SORCS1: variants seen among roughly 807,000 people sequenced by gnomAD.
The protein encoded by SORCS1 is sortilin related VPS10 domain containing receptor 1, also known as VPS10 domain-containing receptor SorCS1.
SORCS1 carries 60 observed loss-of-function variants against 146.1 expected under a neutral mutation model. The ratio of observed to expected loss-of-function variants is 0.41; its 90% CI spans 0.33 to 0.51. SORCS1 has a LOEUF of 0.51. Ranked by LOEUF, SORCS1 falls within the 20% of genes least tolerant of loss-of-function variation. The probability of loss-of-function intolerance (pLI) is 0.21; values close to 1 mark genes in which losing one functional copy is unlikely to be tolerated. For missense variants in SORCS1, 1,352 were observed against 1,487.6 expected (o/e 0.91, Z 1.50); for synonymous variants, 637 against 584.0 (o/e 1.09, Z -1.31).
intron 2 of SORCS1, among the ~76,000 whole-genome samples, chr10:106,894,798 T>C (rs890544592): frequency 5.9e-5 from 9 of 152,220 alleles, no homozygotes; most frequent in Non-Finnish European, 1.5e-5. Context: ...CCAAGGATCC[T>C]AAATTCTAGA....
chr10:106,742,483 GA>G (rs1857433176), intron 5 of SORCS1, among the ~76,000 whole-genome samples: 1 of 152,070 alleles, frequency 6.6e-6, no homozygotes, highest in Admixed American at 6.6e-5. Context: ...GGGTTCAAGT[GA>G]TTCTCATGCC....
chr10:106,625,094 G>A (rs1302420990), intron 19 of SORCS1, among the ~76,000 whole-genome samples: 1 of 152,200 alleles, frequency 6.6e-6, no homozygotes, highest in African/African-American at 2.4e-5. Flanking sequence ...GTGGTTGAGA[G>A]AAATGGGGAA....
intron 1 of SORCS1, among the ~76,000 whole-genome samples, chr10:106,961,106 G>A (rs1955202051): frequency 6.6e-6 from 1 of 152,160 alleles, no homozygotes; most frequent in Non-Finnish European, 1.5e-5. Flanking sequence ...ACAGATGCTG[G>A]TATATGGATG....
chr10:107,051,905 G>C (rs532479845), intron 1 of SORCS1, among the ~76,000 whole-genome samples: 2 of 152,160 alleles, frequency 1.3e-5, no homozygotes, highest in East Asian at 3.9e-4. Flanking sequence ...AAAATTGTTG[G>C]CACAGACTTT....
intron 1 of SORCS1, among the ~76,000 whole-genome samples, chr10:106,957,398 C>G (rs554628035): frequency 6.6e-6 from 1 of 151,958 alleles, no homozygotes; most frequent in Non-Finnish European, 1.5e-5. Context: ...TCTCGAACTC[C>G]TGACCTCAGG....
chr10:106,601,742 G>T (rs1293497935), intron 23 of SORCS1, among the ~76,000 whole-genome samples: 1 of 152,194 alleles, frequency 6.6e-6, no homozygotes, highest in Non-Finnish European at 1.5e-5. Flanking sequence ...ACACTGGCTG[G>T]TGGAGCGGCC....
intron 5 of SORCS1, among the ~76,000 whole-genome samples, chr10:106,734,147 T>A (rs1318343149): frequency 6.6e-6 from 1 of 152,166 alleles, no homozygotes; most frequent in African/African-American, 2.4e-5. Flanking sequence ...AAAAAGGCAA[T>A]AGGTAGATGT....
At chr10:106,821,994 C>A (rs1455572993) in intron 3 of SORCS1, among the ~76,000 whole-genome samples, 1 of 151,342 alleles carries the variant, frequency 6.6e-6, no homozygotes, top group Non-Finnish European at 1.5e-5. Context: ...GAGAACCAGG[C>A]AAATTAGCAG....
intron 3 of SORCS1, among the ~76,000 whole-genome samples, chr10:106,802,931 T>G (rs1056749597): frequency 1.3e-5 from 2 of 152,226 alleles, no homozygotes; most frequent in Non-Finnish European, 2.9e-5. Flanking sequence ...ATGCCCGGCC[T>G]GACTTTACAG....
intron 2 of SORCS1, among the ~76,000 whole-genome samples, chr10:106,928,393 G>C (rs1040182215): frequency 6.6e-6 from 1 of 152,202 alleles, no homozygotes; most frequent in Non-Finnish European, 1.5e-5. Flanking sequence ...CTCCGAGTGC[G>C]GGGCCGCCAA....
chr10:107,132,747 T>C (rs1479074593), intron 1 of SORCS1, among the ~76,000 whole-genome samples: 4 of 152,248 alleles, frequency 2.6e-5, no homozygotes, highest in Non-Finnish European at 5.9e-5. Context: ...TTATTGTCTG[T>C]TTGTTAAAGC....
At chr10:106,625,550 G>A (rs1848053531) in intron 19 of SORCS1, among the ~76,000 whole-genome samples, 1 of 152,058 alleles carries the variant, frequency 6.6e-6, no homozygotes, top group Admixed American at 6.6e-5. Context: ...TTGGGGGCAG[G>A]TGGCTCATTA....
At chr10:107,042,738 T>C (rs76730710) in intron 1 of SORCS1, among the ~76,000 whole-genome samples, 1 of 151,922 alleles carries the variant, frequency 6.6e-6, no homozygotes, top group African/African-American at 2.4e-5. Flanking sequence ...GCCTCCCAAG[T>C]AGCTAGGATT....
chr10:106,939,781 G>A (rs546264190), intron 2 of SORCS1, among the ~76,000 whole-genome samples: 5 of 152,300 alleles, frequency 3.3e-5, no homozygotes, highest in South Asian at 2.1e-4. Context: ...ACTGTATTTC[G>A]GAAACTTCAC....
Position 106,765,121 on chromosome 10 carries a change from G to T in SORCS1, c.886-3460C>A, listed in dbSNP as rs192159390. The stretch of plus-strand genomic sequence containing the variant: ...AAGAACTGAAGGAGCAGAAATGTTA[G>T]AGAACAGGGAAAGATTCTGGTTATA... On this transcript the variant is annotated intron_variant, in intron 4 of 25. Transcript: ENST00000263054. Among the ~76,000 whole-genome samples, 1,395 of 151,482 alleles carry T rather than the reference G, an allele frequency of 9.2e-3. 12 individuals are homozygous for T. The highest frequency in any genetic ancestry group is 0.021 in the Middle Eastern group (6 of 288).
intron 1 of SORCS1, among the ~76,000 whole-genome samples, chr10:106,966,277 C>G (rs937659647): frequency 6.7e-6 from 1 of 149,760 alleles, no homozygotes; most frequent in Non-Finnish European, 1.5e-5. Context: ...ACGCACACAC[C>G]ACACACACTC....
chr10:107,034,105 T>G (rs879683787), intron 1 of SORCS1, among the ~76,000 whole-genome samples: 17 of 152,318 alleles, frequency 1.1e-4, no homozygotes, highest in Admixed American at 1.0e-3. Flanking sequence ...AGAACAGAGA[T>G]AGGCTGATCA....
chr10:106,596,206 T>TA (rs1813710310), intron 24 of SORCS1, among the ~76,000 whole-genome samples: 1 of 152,144 alleles, frequency 6.6e-6, no homozygotes. Flanking sequence ...GCTCACTGAC[T>TA]ACTCTCCACT....
chr10:107,076,660 T>C (rs2134212104), intron 1 of SORCS1, among the ~76,000 whole-genome samples: 1 of 152,326 alleles, frequency 6.6e-6, no homozygotes, highest in South Asian at 2.1e-4. Flanking sequence ...AGGGATGGGC[T>C]TTTGGGAGAA....
Sources: gnomAD v4.1 joint callset for allele counts (sites outside exome capture counted in the v4.1 genomes callset) on GRCh38, gnomAD v4.1.1 for gene constraint, MANE v1.5 for transcripts, NCBI Gene and HGNC (gene_info 2026-07-23, HGNC 2026-07-21) for gene names.